The following RYR3 variants were observed in gnomAD, a reference collection of about 807,000 sequenced individuals.
RYR3 encodes the protein brain ryanodine receptor-calcium release channel.
Under a neutral mutation model 584.3 loss-of-function variants are expected in RYR3, and 207 were observed. That is an observed-to-expected ratio of 0.35 (90% CI 0.32 to 0.40). The LOEUF (loss-of-function observed/expected upper bound fraction) is 0.40, where lower values mean the gene tolerates loss of function less well. Ranked by LOEUF, RYR3 falls within the 10% of genes least tolerant of loss-of-function variation. The pLI, the probability that RYR3 is intolerant of heterozygous loss-of-function variation, is 1.00. For synonymous variants in RYR3, 2,416 were observed against 2,248.5 expected (o/e 1.07, Z -2.11); for missense variants, 5,616 against 6,089.2 (o/e 0.92, Z 2.59).
In RYR3 at chr15:33,820,775, A is replaced by T. The variant is rs372045628; in HGVS notation, c.10778A>T (p.Asp3593Val). 32 of 1,605,984 alleles carry T rather than the reference A, an allele frequency of 2.0e-5. No individual in the cohort carries two copies. The highest frequency in any genetic ancestry group is 2.6e-5 in the Non-Finnish European group (31 of 1,176,230). The change falls in exon 78 of 104, where the codon GAT becomes GTT. Residue 3593 changes from aspartate to valine, a missense_variant. Physicochemically the swap from Asp to Val is radical, Grantham distance 152 (BLOSUM62 -3). Around this residue, in one of 9 missense-constraint regions of RYR3, gnomAD observed 954 missense variants for 1,132.2 expected, o/e 0.84. Transcript: ENST00000634891. ...ATCCAGAGTTGTCAAAGTGGTGAGGATGAAGAAGAAGATGAAGACAAGGAA... is the reference window on the plus strand; with the variant it reads ...ATCCAGAGTTGTCAAAGTGGTGAGGTTGAAGAAGAAGATGAAGACAAGGAA... ...MMAKSCQSGEDEEEDEDKEKT... is the reference protein window; with the variant it reads ...MMAKSCQSGEVEEEDEDKEKT...
intron 16 of RYR3, among the ~76,000 whole-genome samples, chr15:33,595,015 A>G (rs1022370922): frequency 6.6e-6 from 1 of 152,242 alleles, no homozygotes; most frequent in Non-Finnish European, 1.5e-5. Flanking sequence ...TTTTATACCA[A>G]ATAAGCTAAA....
At chr15:33,335,643 T>C (rs1970874085) in intron 1 of RYR3, among the ~76,000 whole-genome samples, 3 of 151,760 alleles carry the variant, frequency 2.0e-5, no homozygotes, top group Admixed American at 2.0e-4. Flanking sequence ...CCATGACACA[T>C]GTTACATATG....
At chr15:33,340,935 G>C (rs1417772379) in intron 1 of RYR3, among the ~76,000 whole-genome samples, 1 of 152,130 alleles carries the variant, frequency 6.6e-6, no homozygotes, top group African/African-American at 2.4e-5. Context: ...AGACTAGAAT[G>C]GTGGTTCTCA....
At chr15:33,618,482 A>G (rs1474219236) in intron 19 of RYR3, among the ~76,000 whole-genome samples, 2 of 152,050 alleles carry the variant, frequency 1.3e-5, no homozygotes, top group Admixed American at 6.5e-5. Flanking sequence ...CTGAGCTTTC[A>G]TCAAACACTA....
At chr15:33,418,859 A>C (rs2044019992) in intron 1 of RYR3, among the ~76,000 whole-genome samples, 1 of 152,150 alleles carries the variant, frequency 6.6e-6, no homozygotes, top group Non-Finnish European at 1.5e-5. Flanking sequence ...GCAATAAGCT[A>C]GCATGAGGAC....
At chr15:33,476,205 G>A (rs993371325) in intron 2 of RYR3, among the ~76,000 whole-genome samples, 4 of 152,098 alleles carry the variant, frequency 2.6e-5, no homozygotes, top group African/African-American at 9.7e-5. Context: ...ATTTATCGTT[G>A]TTTTACCCGA....
intron 1 of RYR3, among the ~76,000 whole-genome samples, chr15:33,320,992 A>G (rs1036316814): frequency 1.3e-5 from 2 of 152,168 alleles, no homozygotes; most frequent in Non-Finnish European, 2.9e-5. Flanking sequence ...TGAGCCTGCA[A>G]TGTTCATGGC....
In RYR3 at chr15:33,722,765, C is replaced by A; in HGVS notation, c.6670C>A (p.Arg2224Ser). ...ASVVVKLLIR[R>S]PECFGPALRG... ...CGTTGTGGTCAAGCTGCTCATCAGA[C>A]GCCCAGAGTGCTTCGGCCCGGCCCT... The change falls in exon 44 of 104, where the codon CGC becomes AGC. Residue 2224 changes from arginine to serine, a missense_variant. Around this residue, in one of 9 missense-constraint regions of RYR3, gnomAD observed 1,280 missense variants for 1,426.2 expected, o/e 0.90. Transcript: ENST00000634891. The A allele has an allele frequency of 6.2e-7, 1 of 1,613,272 alleles. No individual in the cohort carries two copies. Among genetic ancestry groups the A allele is most frequent in the Non-Finnish European group, 8.5e-7 (1 of 1,179,614 alleles).
chr15:33,832,650 CTG>C (rs1456933921), intron 86 of RYR3, among the ~76,000 whole-genome samples: 4 of 118,882 alleles, frequency 3.4e-5, no homozygotes, highest in African/African-American at 1.3e-4. Flanking sequence ...GAGCGAGACT[CTG>C]TCTCAAAAAA....
intron 60 of RYR3, among the ~76,000 whole-genome samples, chr15:33,763,485 CATTT>C (rs2072692815): frequency 6.6e-6 from 1 of 151,912 alleles, no homozygotes; most frequent in Non-Finnish European, 1.5e-5. Context: ...CAAAAGAAGA[CATTT>C]ATGCGGCCAA....
intron 1 of RYR3, among the ~76,000 whole-genome samples, chr15:33,331,857 T>A (rs776741281): frequency 2.9e-4 from 44 of 152,184 alleles, no homozygotes; most frequent in Middle Eastern, 6.9e-3. Flanking sequence ...AAAACCAGTA[T>A]GTATCCAAAA....
chr15:33,318,284 A>T (rs1490009452), intron 1 of RYR3, among the ~76,000 whole-genome samples: 1 of 152,256 alleles, frequency 6.6e-6, no homozygotes, highest in African/African-American at 2.4e-5. Flanking sequence ...ATAAAAGTGT[A>T]GAGATGAAAG....
intron 1 of RYR3, among the ~76,000 whole-genome samples, chr15:33,432,668 TTGTGTGTGTGTGTGTG>T (rs58292418): frequency 2.3e-5 from 3 of 132,142 alleles, no homozygotes; most frequent in African/African-American, 9.5e-5. Context: ...GCCTAGCTAA[TTGTGTGTGTGTGTGTG>T]TGTGTGTGTG....
rs10647466 is a variant in RYR3, at chr15:33,450,087, T to TAAAAAAAAAAAAAAAAAAAA, written c.52-23327_52-23308dup. On this transcript the variant is annotated intron_variant, in intron 1 of 103. Transcript: ENST00000634891. ...TTACTGCGGCTAGAGCATTAATACC[T>TAAAAAAAAAAAAAAAAAAAA]AAAAAAAAAAAAAAAAAAAAAAAAG... Among the ~76,000 whole-genome samples, 12 of 67,320 alleles carry TAAAAAAAAAAAAAAAAAAAA rather than the reference T, an allele frequency of 1.8e-4. 4 individuals are homozygous for TAAAAAAAAAAAAAAAAAAAA. The highest frequency in any genetic ancestry group is 6.0e-4 in the African/African-American group (11 of 18,204). The allele number at this position is 67,320 out of a possible 152,430, so 44.2% of individuals were successfully genotyped here.
chr15:33,603,557 C>T (rs2059774054), intron 18 of RYR3, among the ~76,000 whole-genome samples, 193 bp downstream of exon 18: 2 of 152,170 alleles, frequency 1.3e-5, no homozygotes, highest in Non-Finnish European at 1.5e-5. Context: ...CAGTTCCTAG[C>T]TACATGGTCT....
chr15:33,439,302 G>A (rs762551470), intron 1 of RYR3, among the ~76,000 whole-genome samples: 16 of 152,036 alleles, frequency 1.1e-4, no homozygotes, highest in Admixed American at 2.6e-4. Context: ...GTACAATGTC[G>A]AATAGAACCA....
intron 1 of RYR3, among the ~76,000 whole-genome samples, chr15:33,400,881 T>C (rs2141370969): frequency 6.6e-6 from 1 of 152,370 alleles, no homozygotes; most frequent in Admixed American, 6.5e-5. Context: ...TTCTTACCTC[T>C]GCTCTTTGAG....
At position 33,816,928 on chromosome 15, in the gene RYR3, C is replaced by T. The variant is rs747519835; in HGVS notation, c.10569C>T (p.Ser3523=). 3.1e-6 allele frequency: 5 copies of T among 1,610,590 alleles called. No individual in the cohort carries two copies. Among genetic ancestry groups the T allele is most frequent in the Non-Finnish European group, 3.4e-6 (4 of 1,177,986 alleles). ...QRFWIETEEY[S]FEEKLVQDLA... ...TTTGGATAGAAACAGAGGAGTATTC[C>T]TTTGAAGAGAAACTAGTACAGGATT... is the stretch of plus-strand genomic sequence containing the variant. Residue 3523 remains serine (S), a synonymous_variant, in exon 75 of 104, where the codon TCC becomes TCT. Transcript: ENST00000634891.
rs1179443329 is a variant in RYR3, at chr15:33,547,977, CTG to C, written c.741-151_741-150del. 5.3e-5 allele frequency among the ~76,000 whole-genome samples: 8 copies of C among 152,184 alleles called. No individual in the cohort carries two copies. In the South Asian group the frequency reaches 1.0e-3, roughly 20 times the overall value. ...TTTCTGAGAGAGAGAGACTGGGAAA[CTG>C]TCTTCCCTCTTATTCTGGCTTTGCA... On this transcript the variant is annotated intron_variant, in intron 8 of 103. Coordinates refer to ENST00000634891, the MANE Select transcript of RYR3 (RefSeq NM_001036.6).
Sources: gnomAD v4.1 joint callset for allele counts (sites outside exome capture counted in the v4.1 genomes callset) on GRCh38, gnomAD v4.1.1 for gene constraint, gnomAD v4.1.1 regional missense constraint, MANE v1.5 for transcripts, NCBI Gene and HGNC (gene_info 2026-07-23, HGNC 2026-07-21) for gene names.